CSMD1: variants seen among roughly 807,000 people sequenced by gnomAD.
CSMD1 encodes CUB and Sushi multiple domains 1, also known as CUB and sushi domain-containing protein 1.
In CSMD1, 213 loss-of-function variants were observed where a neutral mutation model predicts 417.5. The ratio of observed to expected loss-of-function variants is 0.51; its 90% CI spans 0.46 to 0.57. The LOEUF is 0.57. Ranked by LOEUF, CSMD1 falls within the 20% of genes least tolerant of loss-of-function variation. CSMD1 has a pLI of 0.00. For synonymous variants in CSMD1, 2,862 were observed against 1,736.8 expected (o/e 1.65, Z -16.11); for missense variants, 6,923 against 4,529.7 (o/e 1.53, Z -15.17).
At chr8:3,887,277 T>C (rs1364805914) in intron 5 of CSMD1, among the ~76,000 whole-genome samples, 1 of 152,210 alleles carries the variant, frequency 6.6e-6, no homozygotes, top group African/African-American at 2.4e-5. Flanking sequence ...CACAACCACC[T>C]GGGAGGCCCA....
At chr8:3,674,214 C>G (rs780490111) in intron 7 of CSMD1, among the ~76,000 whole-genome samples, 53 of 152,152 alleles carry the variant, frequency 3.5e-4, no homozygotes, top group Admixed American at 1.4e-3. Flanking sequence ...CTAGAATTAT[C>G]AAAAGCAGAT....
At position 4,246,278 on chromosome 8, in the gene CSMD1, G is replaced by A. The variant is rs1347764362; in HGVS notation, c.415+173675C>T. Among the ~76,000 whole-genome samples the A allele has an allele frequency of 2.0e-5, 3 of 152,126 alleles. No individual in the cohort carries two copies. In the East Asian group the frequency reaches 5.8e-4, roughly 29 times the overall value. On this transcript the variant is annotated intron_variant, in intron 3 of 69. Coordinates refer to ENST00000635120, the MANE Select transcript of CSMD1 (RefSeq NM_033225.6). ...TATACATGATAACTTGTGCTATTTGGTTTTCTGTTCCTGGGTTAGTTTGCT... is the reference window on the plus strand; with the variant it reads ...TATACATGATAACTTGTGCTATTTGATTTTCTGTTCCTGGGTTAGTTTGCT...
At chr8:3,211,580 T>C (rs1797609808) in intron 30 of CSMD1, among the ~76,000 whole-genome samples, 1 of 152,216 alleles carries the variant, frequency 6.6e-6, no homozygotes, top group Non-Finnish European at 1.5e-5. Flanking sequence ...GGGAGCCTTA[T>C]GCCTGTGGAA....
chr8:3,281,359 C>A (rs71521818), intron 26 of CSMD1, among the ~76,000 whole-genome samples: 4 of 151,910 alleles, frequency 2.6e-5, no homozygotes, highest in African/African-American at 9.7e-5. Context: ...CAGGAGAATT[C>A]CTGGAACCCA....
chr8:2,962,723 A>C (rs1803607110), intron 60 of CSMD1, 84 bp from the exon 61 acceptor site: 3 of 1,394,108 alleles, frequency 2.2e-6, no homozygotes, highest in Non-Finnish European at 9.7e-7. Flanking sequence ...AGTTTCTGTT[A>C]AATCTTTAGC....
chr8:4,988,979 A>C (rs1223990494), intron 1 of CSMD1, among the ~76,000 whole-genome samples: 3 of 152,254 alleles, frequency 2.0e-5, no homozygotes, highest in African/African-American at 7.2e-5. Context: ...ACTAAAGTCC[A>C]TCCAAAATAG....
At chr8:3,618,581 A>C (rs994706399) in intron 7 of CSMD1, among the ~76,000 whole-genome samples, 3 of 152,146 alleles carry the variant, frequency 2.0e-5, no homozygotes, top group Non-Finnish European at 4.4e-5. Context: ...ATATCAAAAT[A>C]ATCCAGCAAG....
chr8:3,593,809 C>T (rs1247262916), intron 8 of CSMD1, among the ~76,000 whole-genome samples: 1 of 152,258 alleles, frequency 6.6e-6, no homozygotes, highest in East Asian at 1.9e-4. Context: ...ATTCTCCCAT[C>T]TTTGCCATCT....
chr8:4,916,892 G>C (rs1019656071), intron 1 of CSMD1, among the ~76,000 whole-genome samples: 1 of 152,234 alleles, frequency 6.6e-6, no homozygotes, highest in African/African-American at 2.4e-5. Context: ...CAGCATTACA[G>C]TTTTTGACTG....
At chr8:3,986,883 T>G (rs937211388) in intron 5 of CSMD1, among the ~76,000 whole-genome samples, 2 of 152,090 alleles carry the variant, frequency 1.3e-5, no homozygotes, top group African/African-American at 4.8e-5. Flanking sequence ...GCCTCCCAAG[T>G]AGCTGGGATT....
chr8:4,702,138 GA>G (rs1272916028), intron 1 of CSMD1, among the ~76,000 whole-genome samples: 1 of 152,148 alleles, frequency 6.6e-6, no homozygotes. Context: ...AGAGCACTAG[GA>G]AAAATAGCTA....
intron 1 of CSMD1, among the ~76,000 whole-genome samples, chr8:4,899,461 T>C (rs1804720955): frequency 1.3e-5 from 2 of 152,168 alleles, no homozygotes; most frequent in Admixed American, 1.3e-4. Flanking sequence ...GATACGCATG[T>C]CCATAGTCAA....
intron 7 of CSMD1, among the ~76,000 whole-genome samples, chr8:3,695,792 T>C (rs570650266): frequency 5.6e-4 from 86 of 152,362 alleles, no homozygotes; most frequent in Admixed American, 2.2e-3. Flanking sequence ...ATTCAGATTA[T>C]AAATCAACCA....
chr8:4,523,623 A>C (rs1385679841), intron 2 of CSMD1, among the ~76,000 whole-genome samples: 2 of 152,162 alleles, frequency 1.3e-5, no homozygotes, highest in Non-Finnish European at 2.9e-5. Flanking sequence ...TGCAAGTCAG[A>C]AAACCAAGGT....
intron 5 of CSMD1, among the ~76,000 whole-genome samples, chr8:3,798,271 T>C (rs1448937185): frequency 1.3e-5 from 2 of 152,078 alleles, no homozygotes; most frequent in Admixed American, 6.6e-5. Context: ...TAATAATATC[T>C]TATTTATCAA....
At chr8:3,043,156 G>A (rs1197110078) in intron 50 of CSMD1, among the ~76,000 whole-genome samples, 4 of 150,476 alleles carry the variant, frequency 2.7e-5, no homozygotes, top group South Asian at 4.2e-4. Context: ...TACATATAGC[G>A]ATATATACAG....
intron 8 of CSMD1, among the ~76,000 whole-genome samples, chr8:3,589,612 G>T (rs1476875945): frequency 6.6e-6 from 1 of 152,106 alleles, no homozygotes; most frequent in African/African-American, 2.4e-5. Flanking sequence ...GGTATCAGGG[G>T]CTGGAGGAAG....
chr8:4,978,870 G>A (rs560118560), intron 1 of CSMD1, among the ~76,000 whole-genome samples: 3 of 138,856 alleles, frequency 2.2e-5, no homozygotes, highest in Admixed American at 7.0e-5. Context: ...CCCAGGAGGC[G>A]GAGGTTGCAG....
intron 3 of CSMD1, among the ~76,000 whole-genome samples, chr8:4,097,390 G>T (rs148841182): frequency 1.1e-4 from 16 of 152,306 alleles, no homozygotes; most frequent in African/African-American, 3.4e-4. Flanking sequence ...GGTGTTATAA[G>T]AATTAAACAG....
Sources: allele counts gnomAD v4.1 joint callset (sites outside exome capture counted in the v4.1 genomes callset), GRCh38; gene constraint gnomAD v4.1.1; transcripts MANE v1.5; gene names NCBI Gene and HGNC (gene_info 2026-07-23, HGNC 2026-07-21).